PARP9: variants seen among roughly 807,000 people sequenced by gnomAD.
PARP9 encodes poly(ADP-ribose) polymerase family member 9.
PARP9 carries 48 observed loss-of-function variants against 68.8 expected under a neutral mutation model. The ratio of observed to expected loss-of-function variants is 0.70; its 90% CI spans 0.55 to 0.89. The LOEUF is 0.89. Among genes scored for constraint, PARP9 ranks in the 40% least tolerant of loss-of-function variants. The probability of loss-of-function intolerance (pLI) is 0.00; values close to 1 mark genes in which losing one functional copy is unlikely to be tolerated. For missense variants in PARP9, 806 were observed against 969.3 expected (o/e 0.83, Z 2.24); for synonymous variants, 309 against 333.8 (o/e 0.93, Z 0.81).
rs540296429 is a variant in PARP9, at chr3:122,564,272, C to T, written c.-117G>A. 4.5e-4 allele frequency: 423 copies of T among 932,492 alleles called. 7 individuals are homozygous for T. In the South Asian group the frequency reaches 7.0e-3, roughly 15 times the overall value. The allele number at this position is 932,492 out of a possible 1,614,324, so 57.8% of individuals were successfully genotyped here. On this transcript the variant is annotated 5_prime_UTR_variant, in exon 1 of 11. Transcript: ENST00000682323. ...GGCAGGCCGCTCTCCTCGGTGCAGA[C>T]AGCACAGGGAGGAGGGGGAAGCGGC...
At chr3:122,558,624 G>C (rs576094964) in intron 2 of PARP9, among the ~76,000 whole-genome samples, 157 bp from the exon 3 acceptor site, 4 of 152,304 alleles carry the variant, frequency 2.6e-5, no homozygotes, top group African/African-American at 9.6e-5. Flanking sequence ...AAATCTGCAT[G>C]CCCGAAACAC....
chr3:122,538,742 T>C (rs73855792), intron 8 of PARP9, among the ~76,000 whole-genome samples: 2,991 of 152,188 alleles, frequency 0.02, 99 homozygotes, highest in African/African-American at 0.068. Flanking sequence ...TGTTTCTTTG[T>C]ATCCTGTTCC....
chr3:122,562,794 T>C (rs1161328687), intron 1 of PARP9, among the ~76,000 whole-genome samples: 1 of 152,218 alleles, frequency 6.6e-6, no homozygotes, highest in East Asian at 1.9e-4. Context: ...CTGCCCATTG[T>C]ATTCCATTGT....
rs200278388 is a variant in PARP9 at position 122,552,510 on chromosome 3, G to A, written c.1015C>T (p.Arg339Trp). The A allele has an allele frequency of 3.6e-4, 582 of 1,614,104 alleles. 2 individuals are homozygous for A. In the South Asian group the frequency reaches 4.1e-3, roughly 11 times the overall value. ...FLATKAKQFQRSQLVLVTKGF... is the reference protein window; with the variant it reads ...FLATKAKQFQWSQLVLVTKGF... The stretch of plus-strand genomic sequence containing the variant: ...TTTGTGACCAGTACCAACTGGGACC[G>A]TTGAAACTGTTTAGCCTTTGTGGCA... Residue 339 changes from arginine to tryptophan, a missense_variant, in exon 5 of 11, where the codon CGG (arginine) becomes TGG (tryptophan). This residue lies in a region of PARP9 where 680 missense variants were observed against 858.8 expected (regional missense o/e 0.79). Coordinates refer to ENST00000682323, the MANE Select transcript of PARP9 (RefSeq NM_001146105.2).
chr3:122,563,914 C>T (rs2080457250), intron 1 of PARP9, among the ~76,000 whole-genome samples: 1 of 152,016 alleles, frequency 6.6e-6, no homozygotes, highest in Admixed American at 6.6e-5. Context: ...GGAGAAAAGC[C>T]CGCAGAAGCC....
chr3:122,544,758 C>T (rs992361819), intron 7 of PARP9, among the ~76,000 whole-genome samples: 23 of 152,164 alleles, frequency 1.5e-4, no homozygotes, highest in African/African-American at 5.6e-4. Context: ...ATGGCTTGAG[C>T]CTGTGAAGCA....
In PARP9 at chr3:122,541,981, T is replaced by G. The variant is rs564513470; in HGVS notation, c.1385-1129A>C. ...TAGAAGTAAGATGGGGAGGATGGCC[T>G]TCCTCTGAGTAAAGATAAAAAAGAC... On this transcript the variant is annotated intron_variant, in intron 7 of 10. Transcript: ENST00000682323. 1.7e-4 allele frequency among the ~76,000 whole-genome samples: 26 copies of G among 152,300 alleles called. No homozygotes were observed. The South Asian group carries it at 5.4e-3, about 32-fold the overall frequency.
rs776157235 is a variant in PARP9 at position 122,550,782 on chromosome 3, C to A, written c.1128G>T (p.Lys376Asn). Residue 376 changes from lysine to asparagine, a missense_variant, in exon 6 of 11, where the codon AAG becomes AAT. Physicochemically the swap from Lys to Asn is moderately conservative, Grantham distance 94. Transcript: ENST00000682323. The part of the protein sequence containing the change: ...PKPQILKHAM[K>N]ECLEKCIEQN... ...GCTCAATGCATTTTTCCAAACACTC[C>A]TTCATTGCATGTTTTAATATCTGCA... 6.2e-7 allele frequency: 1 copy of A among 1,613,790 alleles called. No individual in the cohort carries two copies. The highest frequency in any genetic ancestry group is 8.5e-7 in the Non-Finnish European group (1 of 1,179,836).
intron 10 of PARP9, among the ~76,000 whole-genome samples, chr3:122,529,479 G>A (rs997914749): frequency 4.6e-5 from 7 of 151,206 alleles, no homozygotes; most frequent in Middle Eastern, 7.0e-3. Context: ...GGCCGGGCGC[G>A]GTGGCTCACG....
chr3:122,556,965 C>T (rs2079740492), intron 3 of PARP9, among the ~76,000 whole-genome samples: 1 of 152,168 alleles, frequency 6.6e-6, no homozygotes, highest in South Asian at 2.1e-4. Flanking sequence ...TACAGGCTCA[C>T]AGCACTACAC....
chr3:122,559,438 T>C (rs2079999078), intron 2 of PARP9, among the ~76,000 whole-genome samples, 168 bp downstream of exon 2: 1 of 152,242 alleles, frequency 6.6e-6, no homozygotes. Flanking sequence ...TAGCATATTC[T>C]TGATTCCCCA....
At chr3:122,547,766 T>C (rs1384877788) in intron 6 of PARP9, among the ~76,000 whole-genome samples, 3 of 152,032 alleles carry the variant, frequency 2.0e-5, no homozygotes, top group Admixed American at 2.0e-4. Flanking sequence ...GATGGGAGGA[T>C]TGCTTGAGCC....
At chr3:122,558,775 A>G (rs1249468255) in intron 2 of PARP9, among the ~76,000 whole-genome samples, 1 of 152,134 alleles carries the variant, frequency 6.6e-6, no homozygotes, top group Non-Finnish European at 1.5e-5. Flanking sequence ...CAGTGGTGCA[A>G]TCACAGTTCA....
intron 8 of PARP9, among the ~76,000 whole-genome samples, chr3:122,539,868 G>A (rs1318873034): frequency 6.6e-6 from 1 of 152,098 alleles, no homozygotes; most frequent in Admixed American, 6.6e-5. Flanking sequence ...CCAGCCCCGA[G>A]ATGGCATTTC....
At chr3:122,545,823 C>T (rs927000780) in intron 6 of PARP9, 8 of 257,780 alleles carry the variant, frequency 3.1e-5, no homozygotes, top group South Asian at 1.1e-4. Context: ...GGATATGTCA[C>T]TGAAGAAGAA....
rs2077688447 is a variant in PARP9 at position 122,536,927 on chromosome 3, G to C, written c.1905+7C>G. On this transcript the variant is annotated splice_region_variant and intron_variant, in intron 9 of 10. Transcript: ENST00000682323. ...ATGAGCCAAATCTTCCCCTTTGTTA[G>C]GTATACCTTTAGAACCTGCAAACCA... is the stretch of plus-strand genomic sequence containing the variant. 1 of 1,603,772 alleles carries C rather than the reference G, an allele frequency of 6.2e-7. No individual in the cohort carries two copies. The highest frequency in any genetic ancestry group is 8.5e-7 in the Non-Finnish European group (1 of 1,177,474).
intron 8 of PARP9, 38 bp from the exon 9 acceptor site, chr3:122,537,111 C>G (rs1559812036): frequency 1.3e-6 from 2 of 1,555,982 alleles, no homozygotes; most frequent in South Asian, 1.2e-5. Context: ...CTTCAATGCT[C>G]TGAGAGAGGA....
At chr3:122,564,380 G>C (rs762172588), upstream of PARP9, 14 of 1,565,604 alleles carry the variant, frequency 8.9e-6, no homozygotes, top group Non-Finnish European at 1.2e-5. Context: ...CGCCTTTACC[G>C]CCCAGCTGCC....
chr3:122,532,408 A>G (rs1430360575), intron 10 of PARP9: 1 of 985,214 alleles, frequency 1.0e-6, no homozygotes, highest in African/African-American at 1.7e-5. Context: ...TGCCTCTCCC[A>G]GCATAGACAA....
Sources: gnomAD v4.1 joint callset for allele counts (sites outside exome capture counted in the v4.1 genomes callset) on GRCh38, gnomAD v4.1.1 for gene constraint, gnomAD v4.1.1 regional missense constraint, MANE v1.5 for transcripts, NCBI Gene and HGNC (gene_info 2026-07-23, HGNC 2026-07-21) for gene names.